ZNF710: variants seen among roughly 807,000 people sequenced by gnomAD.
The protein encoded by ZNF710 is zinc finger protein 710.
Under a neutral mutation model 50.6 loss-of-function variants are expected in ZNF710, and 13 were observed. That is an observed-to-expected ratio of 0.26 (90% CI 0.17 to 0.41). The LOEUF is 0.41. ZNF710 is among the 10% of genes least tolerant of loss of function. The pLI, the probability that ZNF710 is intolerant of heterozygous loss-of-function variation, is 1.00. For synonymous variants in ZNF710, 383 were observed against 397.0 expected (o/e 0.96, Z 0.42); for missense variants, 721 against 936.6 (o/e 0.77, Z 3.01).
intron 1 of ZNF710, among the ~76,000 whole-genome samples, chr15:90,030,003 A>G (rs1179585963): frequency 6.6e-6 from 1 of 152,080 alleles, no homozygotes; most frequent in East Asian, 1.9e-4. Context: ...GCATTTACAG[A>G]CATTCCTTAT....
At position 90,067,752 on chromosome 15, in the gene ZNF710, G is replaced by A. The variant is rs373839490; in HGVS notation, c.615G>A (p.Ala205=). The A allele has an allele frequency of 2.1e-5, 34 of 1,593,522 alleles. No homozygotes were observed. The highest frequency in any genetic ancestry group is 1.7e-4 in the Middle Eastern group (1 of 6,012). Residue 205 remains alanine (A), a synonymous_variant, in exon 2 of 5, where the codon GCG becomes GCA. Coordinates refer to ENST00000268154, the MANE Select transcript of ZNF710 (RefSeq NM_198526.4). The surrounding 1 kb of genome is among the most constrained non-coding windows in gnomAD (Gnocchi z 8.1). ...ARDGFPEPSM[A]LPGPEALPTE... ...ATGGCTTCCCCGAGCCCAGCATGGC[G>A]CTGCCTGGGCCAGAGGCCTTGCCCA...
intron 1 of ZNF710, among the ~76,000 whole-genome samples, chr15:90,028,682 T>G (rs937253451): frequency 1.3e-5 from 2 of 152,232 alleles, no homozygotes; most frequent in East Asian, 3.8e-4. Context: ...TGTGCGTGAA[T>G]GCATGGAGGT....
At chr15:90,060,858 A>T (rs1395576600) in intron 1 of ZNF710, among the ~76,000 whole-genome samples, 7 of 152,182 alleles carry the variant, frequency 4.6e-5, no homozygotes, top group Non-Finnish European at 8.8e-5. Context: ...ACTGTCTCAA[A>T]AAATAAATAA....
At chr15:90,024,676 C>T (rs912062248) in intron 1 of ZNF710, among the ~76,000 whole-genome samples, 4 of 152,244 alleles carry the variant, frequency 2.6e-5, no homozygotes, top group African/African-American at 9.6e-5. Flanking sequence ...TCCTCTCATA[C>T]TTTATCATCT....
intron 1 of ZNF710, among the ~76,000 whole-genome samples, chr15:90,009,640 C>T (rs146587417): frequency 2.0e-5 from 3 of 152,098 alleles, no homozygotes; most frequent in South Asian, 2.1e-4. Context: ...TAGGTCTGGG[C>T]ACCCCACATC....
chr15:90,044,415 C>T (rs1335726323), intron 1 of ZNF710, among the ~76,000 whole-genome samples: 3 of 152,110 alleles, frequency 2.0e-5, no homozygotes, highest in African/African-American at 4.8e-5. Context: ...GTGAACATGA[C>T]ACAGGGGCTG....
chr15:90,065,034 A>T (rs1439703709), intron 1 of ZNF710, among the ~76,000 whole-genome samples: 1 of 152,130 alleles, frequency 6.6e-6, no homozygotes, highest in Non-Finnish European at 1.5e-5. Context: ...GTGGTTTGGA[A>T]GCACGTTTAG....
intron 1 of ZNF710, among the ~76,000 whole-genome samples, chr15:90,012,285 T>A (rs1235790167): frequency 1.4e-5 from 2 of 146,780 alleles, no homozygotes; most frequent in Non-Finnish European, 3.0e-5. Flanking sequence ...TTGTTTTGAG[T>A]GTGCATTTTT....
chr15:90,073,787 G>A (rs964731318), intron 3 of ZNF710, among the ~76,000 whole-genome samples: 19 of 151,972 alleles, frequency 1.3e-4, no homozygotes, highest in African/African-American at 2.7e-4. Context: ...TAAGGAGTTC[G>A]AGACCAGCCT....
upstream of ZNF710, among the ~76,000 whole-genome samples, chr15:90,001,009 A>G (rs1193245389): frequency 6.6e-6 from 1 of 152,030 alleles, no homozygotes; most frequent in Admixed American, 6.5e-5. Context: ...GAGAGAGAGA[A>G]AGAAAGAAAA....
At chr15:90,058,701 T>TATACA (rs1567236919) in intron 1 of ZNF710, among the ~76,000 whole-genome samples, 1 of 143,554 alleles carries the variant, frequency 7.0e-6, no homozygotes, top group African/African-American at 2.7e-5. Flanking sequence ...CACTATATAT[T>TATACA]TATATATATA....
chr15:90,009,382 C>T (rs1396674201), intron 1 of ZNF710, among the ~76,000 whole-genome samples: 1 of 152,092 alleles, frequency 6.6e-6, no homozygotes, highest in African/African-American at 2.4e-5. Context: ...CACAAGCCAT[C>T]GCTTCCCATC....
chr15:90,001,927 A>G, intron 1 of ZNF710, among the ~76,000 whole-genome samples: 1 of 130,204 alleles, frequency 7.7e-6, no homozygotes. Context: ...AGAGGGAGGG[A>G]GCGAGCGAAA....
intron 1 of ZNF710, among the ~76,000 whole-genome samples, chr15:90,018,170 C>CTT (rs5814406): frequency 7.8e-5 from 10 of 128,390 alleles, no homozygotes; most frequent in African/African-American, 2.8e-4. Context: ...TTTCTTTTTT[C>CTT]TTTTTTTTTT....
intron 1 of ZNF710, among the ~76,000 whole-genome samples, chr15:90,036,419 G>A (rs1335412880): frequency 6.6e-6 from 1 of 152,108 alleles, no homozygotes; most frequent in African/African-American, 2.4e-5. Context: ...TCTCTGAAGT[G>A]GCTGGAGCCA....
chr15:90,048,910 C>T (rs536286938), intron 1 of ZNF710, among the ~76,000 whole-genome samples: 1 of 152,300 alleles, frequency 6.6e-6, no homozygotes, highest in South Asian at 2.1e-4. Flanking sequence ...CCGTGTGGAC[C>T]AAGGACTTGA....
At chr15:90,056,183 G>A (rs977524227) in intron 1 of ZNF710, among the ~76,000 whole-genome samples, 7 of 151,920 alleles carry the variant, frequency 4.6e-5, no homozygotes, top group African/African-American at 1.7e-4. Flanking sequence ...GCCGAGGCGG[G>A]TGGATCACCT....
chr15:90,030,329 C>CAAAAAAAAAAAAAAAAAAAAAAAA (rs10685083), intron 1 of ZNF710, among the ~76,000 whole-genome samples: 1 of 50,506 alleles, frequency 2.0e-5, no homozygotes, highest in African/African-American at 7.6e-5. Flanking sequence ...AACTCCATCT[C>CAAAAAAAAAAAAAAAAAAAAAAAA]AAAAAAAAAA....
chr15:90,079,145 G>C (rs1190892535), intron 4 of ZNF710, among the ~76,000 whole-genome samples: 1 of 152,186 alleles, frequency 6.6e-6, no homozygotes, highest in Non-Finnish European at 1.5e-5. Flanking sequence ...CATGTGCTGG[G>C]TGACCTTTGG....
Sources: gnomAD v4.1 joint callset for allele counts (sites outside exome capture counted in the v4.1 genomes callset) on GRCh38, gnomAD v4.1.1 for gene constraint, Gnocchi (gnomAD v3.1) non-coding constraint, MANE v1.5 for transcripts, NCBI Gene and HGNC (gene_info 2026-07-23, HGNC 2026-07-21) for gene names.